Variants in CRPPA observed in about 807,000 individuals in gnomAD.
The protein encoded by CRPPA is D-ribitol-5-phosphate cytidylyltransferase.
In CRPPA, 43 loss-of-function variants were observed where a neutral mutation model predicts 52.0. That is an observed-to-expected ratio of 0.83 (90% CI 0.65 to 1.07). The LOEUF (loss-of-function observed/expected upper bound fraction) is 1.07, where lower values mean the gene tolerates loss of function less well. CRPPA is among the 50% of genes least tolerant of loss of function. The pLI is 0.00. For synonymous variants in CRPPA, 250 were observed against 203.5 expected (o/e 1.23, Z -1.94); for missense variants, 629 against 551.7 (o/e 1.14, Z -1.40).
rs150796287 is a variant in CRPPA at position 16,305,695 on chromosome 7, G to A, written c.789+2828C>T. On this transcript the variant is annotated intron_variant, in intron 4 of 9. Transcript: ENST00000407010. ...ATCCTGGCCAACATGGTGAAACCCC[G>A]TCTCTACTAAAAATACAAAAATTAG... 4.8e-3 allele frequency among the ~76,000 whole-genome samples: 730 copies of A among 152,152 alleles called. 5 individuals are homozygous for A. The highest frequency in any genetic ancestry group is 0.017 in the African/African-American group (702 of 41,534).
At chr7:16,377,491 T>C (rs1263343148) in intron 2 of CRPPA, among the ~76,000 whole-genome samples, 3 of 152,210 alleles carry the variant, frequency 2.0e-5, no homozygotes, top group Non-Finnish European at 1.5e-5. Flanking sequence ...TAAGAGAACA[T>C]GAGACATCCA....
At chr7:16,259,039 C>T (rs371264127) in intron 6 of CRPPA, 27 bp from the exon 7 acceptor site, 2,198 of 1,486,740 alleles carry the variant, frequency 1.5e-3, no homozygotes, top group Non-Finnish European at 1.9e-3. Flanking sequence ...GAAATGAATT[C>T]ACAAATTAGA....
At chr7:16,246,471 G>A (rs529491057) in intron 8 of CRPPA, among the ~76,000 whole-genome samples, 16 of 152,272 alleles carry the variant, frequency 1.1e-4, no homozygotes, top group African/African-American at 3.9e-4. Context: ...CTAACAGGGT[G>A]AATCCTTTCC....
intron 8 of CRPPA, among the ~76,000 whole-genome samples, chr7:16,228,853 T>C (rs968368940): frequency 1.3e-5 from 2 of 151,976 alleles, no homozygotes; most frequent in African/African-American, 4.8e-5. Flanking sequence ...CATTCCCTTA[T>C]TGGTTTTCTG....
At position 16,143,622 on chromosome 7, in the gene CRPPA, A is replaced by G. The variant is rs144906884; in HGVS notation, c.1252-51823T>C. 3.0e-3 allele frequency among the ~76,000 whole-genome samples: 452 copies of G among 152,292 alleles called. 3 individuals carry two copies. The highest frequency in any genetic ancestry group is 0.01 in the African/African-American group (434 of 41,570). On this transcript the variant is annotated intron_variant, in intron 9 of 9. Transcript: ENST00000407010. ...TCTCTGACAGGGGAATGATGGAGAT[A>G]TTGGTTTCTGTAGTTATGTATAAAG...
chr7:16,365,625 G>T (rs1253295146), intron 3 of CRPPA, among the ~76,000 whole-genome samples: 5 of 152,030 alleles, frequency 3.3e-5, no homozygotes, highest in African/African-American at 1.2e-4. Flanking sequence ...TCTTTATAAA[G>T]ATGAAAAAGG....
At chr7:16,378,638 G>A (rs1420384387) in intron 2 of CRPPA, among the ~76,000 whole-genome samples, 14 of 151,690 alleles carry the variant, frequency 9.2e-5, no homozygotes, top group Admixed American at 5.9e-4. Context: ...TAATGGGATG[G>A]CTGGGTCAAA....
intron 2 of CRPPA, among the ~76,000 whole-genome samples, 156 bp downstream of exon 2, chr7:16,405,905 T>C (rs1310673441): frequency 2.0e-5 from 3 of 152,208 alleles, no homozygotes; most frequent in Admixed American, 2.0e-4. Context: ...ACAGTCTCAA[T>C]CTATAAAGTT....
intron 1 of CRPPA, among the ~76,000 whole-genome samples, chr7:16,417,995 G>C (rs1788236324): frequency 6.6e-6 from 1 of 152,124 alleles, no homozygotes; most frequent in Non-Finnish European, 1.5e-5. Context: ...AGTCTTATAA[G>C]GCATTTTATA....
At chr7:16,180,388 C>A (rs1781387458) in intron 9 of CRPPA, among the ~76,000 whole-genome samples, 1 of 151,900 alleles carries the variant, frequency 6.6e-6, no homozygotes, top group East Asian at 1.9e-4. Context: ...TTGACGGAGT[C>A]AAAATGTTAA....
intron 9 of CRPPA, among the ~76,000 whole-genome samples, chr7:16,098,946 A>C (rs905471037): frequency 6.6e-6 from 1 of 152,228 alleles, no homozygotes; most frequent in Non-Finnish European, 1.5e-5. Context: ...AAAAACTTAG[A>C]TAATACTAAT....
chr7:16,098,458 G>C (rs975431761), intron 9 of CRPPA, among the ~76,000 whole-genome samples: 1 of 152,094 alleles, frequency 6.6e-6, no homozygotes, highest in African/African-American at 2.4e-5. Flanking sequence ...CTGAAATTCA[G>C]GTTGCTCATA....
intron 1 of CRPPA, among the ~76,000 whole-genome samples, chr7:16,414,152 G>C (rs1216308036): frequency 2.6e-5 from 4 of 152,106 alleles, no homozygotes; most frequent in Non-Finnish European, 5.9e-5. Flanking sequence ...ACCTAAGAGA[G>C]CTCAAAAACC....
At chr7:16,117,814 C>T (rs1236024274) in intron 9 of CRPPA, among the ~76,000 whole-genome samples, 1 of 152,174 alleles carries the variant, frequency 6.6e-6, no homozygotes, top group Admixed American at 6.5e-5. Context: ...GTTACTATTG[C>T]CCATACACGT....
At chr7:16,300,358 G>T (rs1305229621) in intron 5 of CRPPA, among the ~76,000 whole-genome samples, 3 of 152,142 alleles carry the variant, frequency 2.0e-5, no homozygotes, top group Admixed American at 2.0e-4. Context: ...AAAAAAGTTT[G>T]AATTTGGAAG....
At chr7:16,276,854 T>G (rs1784213499) in intron 6 of CRPPA, 3 of 152,200 alleles carry the variant, frequency 2.0e-5, no homozygotes. Context: ...TAAAGCATAC[T>G]AATTCAAATT....
At chr7:16,179,767 G>C (rs1021516991) in intron 9 of CRPPA, among the ~76,000 whole-genome samples, 1 of 152,010 alleles carries the variant, frequency 6.6e-6, no homozygotes, top group East Asian at 1.9e-4. Context: ...CTGATACACT[G>C]TGGCATACGT....
chr7:16,186,472 A>G (rs1434330194), intron 9 of CRPPA, among the ~76,000 whole-genome samples: 1 of 152,172 alleles, frequency 6.6e-6, no homozygotes. Flanking sequence ...TCCACCCTCC[A>G]CAACTGTGAA....
intron 3 of CRPPA, among the ~76,000 whole-genome samples, chr7:16,321,701 G>A (rs1432302605): frequency 6.6e-6 from 1 of 152,114 alleles, no homozygotes; most frequent in African/African-American, 2.4e-5. Flanking sequence ...TTGGTTAGTT[G>A]GAGGAACCAA....
Sources: allele counts gnomAD v4.1 joint callset (sites outside exome capture counted in the v4.1 genomes callset), GRCh38; gene constraint gnomAD v4.1.1; transcripts MANE v1.5; gene names NCBI Gene and HGNC (gene_info 2026-07-23, HGNC 2026-07-21).